CNTN5: variants seen among roughly 807,000 people sequenced by gnomAD.
CNTN5 encodes contactin-5.
Under a neutral mutation model 129.1 loss-of-function variants are expected in CNTN5, and 77 were observed. The observed-to-expected ratio is 0.60, with a 90% CI of 0.50 to 0.72. The LOEUF is 0.72. Among genes scored for constraint, CNTN5 ranks in the 30% least tolerant of loss-of-function variants. The pLI, the probability that CNTN5 is intolerant of heterozygous loss-of-function variation, is 0.00. For synonymous variants in CNTN5, 509 were observed against 465.6 expected, an observed-to-expected ratio of 1.09 and a Z score of -1.20; for missense variants, 1,478 against 1,328.8, an observed-to-expected ratio of 1.11 and a Z score of -1.75.
At chr11:99,348,342 C>A (rs72983795) in intron 2 of CNTN5, among the ~76,000 whole-genome samples, 5,247 of 152,070 alleles carry the variant, frequency 0.035, 122 homozygotes, top group Middle Eastern at 0.072. Context: ...CCGTCCCCCC[C>A]AAAAAAATAC....
At chr11:99,061,825 C>T (rs1864891542) in intron 1 of CNTN5, among the ~76,000 whole-genome samples, 2 of 151,770 alleles carry the variant, frequency 1.3e-5, no homozygotes, top group Non-Finnish European at 2.9e-5. Flanking sequence ...GACCCTGTCT[C>T]AACAACAACA....
intron 3 of CNTN5, among the ~76,000 whole-genome samples, chr11:99,757,265 T>A (rs992168061): frequency 2.0e-5 from 3 of 152,024 alleles, no homozygotes; most frequent in Non-Finnish European, 4.4e-5. Context: ...TTTCTATATT[T>A]TCTCTCCTTA....
At chr11:99,614,834 G>A (rs1158647869) in intron 3 of CNTN5, among the ~76,000 whole-genome samples, 3 of 151,908 alleles carry the variant, frequency 2.0e-5, no homozygotes, top group Non-Finnish European at 4.4e-5. Flanking sequence ...GCAACACAAA[G>A]CACAACCTAT....
intron 9 of CNTN5, among the ~76,000 whole-genome samples, chr11:100,032,685 A>G (rs952668000): frequency 3.9e-5 from 6 of 152,156 alleles, no homozygotes; most frequent in African/African-American, 1.4e-4. Context: ...GTTTTTAAAC[A>G]CTCAATCTGT....
intron 17 of CNTN5, among the ~76,000 whole-genome samples, chr11:100,268,616 G>T (rs1950350760): frequency 6.6e-6 from 1 of 152,178 alleles, no homozygotes; most frequent in Non-Finnish European, 1.5e-5. Context: ...TGGTAACCTT[G>T]ACAATAGCAG....
rs371438971 is a variant in CNTN5 at position 99,242,278 on chromosome 11, G to T, written c.-209-83068G>T. 6.6e-5 allele frequency among the ~76,000 whole-genome samples: 10 copies of T among 152,230 alleles called. No individual in the cohort carries two copies. The East Asian group carries it at 1.5e-3, about 24-fold the overall frequency. ...TTAGTATTTCAATATTTGATTGGTA[G>T]AATAATAGGTCTGTGGGAGGTGTGT... is the stretch of plus-strand genomic sequence containing the variant. On this transcript the variant is annotated intron_variant, in intron 1 of 24. Transcript: ENST00000524871.
intron 1 of CNTN5, among the ~76,000 whole-genome samples, chr11:99,247,920 A>G (rs1044810313): frequency 6.6e-6 from 1 of 152,150 alleles, no homozygotes; most frequent in African/African-American, 2.4e-5. Flanking sequence ...CGCAATAAAC[A>G]TATGTGTGCA....
intron 2 of CNTN5, among the ~76,000 whole-genome samples, chr11:99,402,393 A>G (rs150619671): frequency 1.6e-4 from 24 of 152,260 alleles, no homozygotes; most frequent in African/African-American, 5.8e-4. Flanking sequence ...CATATGTTGA[A>G]CTATGTTTGC....
chr11:99,579,504 A>G (rs1361779554), intron 3 of CNTN5, among the ~76,000 whole-genome samples: 1 of 149,484 alleles, frequency 6.7e-6, no homozygotes, highest in Non-Finnish European at 1.5e-5. Context: ...CTTTTATTTC[A>G]TTGAGCAGTG....
chr11:100,272,304 C>T (rs1950421292), intron 18 of CNTN5, among the ~76,000 whole-genome samples: 1 of 152,114 alleles, frequency 6.6e-6, no homozygotes, highest in Admixed American at 6.5e-5. Context: ...CACACCAGTA[C>T]ATAGGTCAGA....
chr11:99,102,859 C>T (rs1262512425), intron 1 of CNTN5, among the ~76,000 whole-genome samples: 1 of 152,116 alleles, frequency 6.6e-6, no homozygotes, highest in East Asian at 1.9e-4. Context: ...GCACCCCACT[C>T]TACTGGTACC....
chr11:100,236,963 G>T (rs948088653), intron 16 of CNTN5, among the ~76,000 whole-genome samples: 1 of 152,142 alleles, frequency 6.6e-6, no homozygotes, highest in Non-Finnish European at 1.5e-5. Flanking sequence ...GCCAAGGCGG[G>T]TGGATCACGA....
At chr11:99,498,792 G>A (rs1478197136) in intron 2 of CNTN5, among the ~76,000 whole-genome samples, 2 of 152,140 alleles carry the variant, frequency 1.3e-5, no homozygotes, top group South Asian at 2.1e-4. Flanking sequence ...CCTTGAAGGA[G>A]GTAAAAGAAA....
At chr11:100,336,884 A>T (rs1952048143) in intron 21 of CNTN5, 1 of 538,972 alleles carries the variant, frequency 1.9e-6, no homozygotes, top group African/African-American at 1.9e-5. Context: ...TGAAAGCTAT[A>T]GCAGCAACTC....
chr11:99,711,701 A>T (rs187310464), intron 3 of CNTN5, among the ~76,000 whole-genome samples: 1 of 152,022 alleles, frequency 6.6e-6, no homozygotes, highest in East Asian at 2.0e-4. Context: ...CTCACTGTTA[A>T]ACTCCCACTT....
intron 3 of CNTN5, among the ~76,000 whole-genome samples, chr11:99,795,338 A>G (rs761336313): frequency 3.9e-5 from 6 of 152,086 alleles, no homozygotes; most frequent in African/African-American, 1.2e-4. Context: ...TGTATTCCTT[A>G]GAGTTTTTGG....
At chr11:100,043,806 C>T (rs1282709312) in intron 9 of CNTN5, among the ~76,000 whole-genome samples, 1 of 151,984 alleles carries the variant, frequency 6.6e-6, no homozygotes, top group African/African-American at 2.4e-5. Flanking sequence ...AATACTGTCT[C>T]CTTCTGTATT....
At position 99,566,450 on chromosome 11, in the gene CNTN5, A is replaced by G. The variant is rs533834220; in HGVS notation, c.55+10181A>G. Among the ~76,000 whole-genome samples the G allele has an allele frequency of 5.4e-4, 82 of 152,350 alleles. 1 individual carries two copies. The highest frequency in any genetic ancestry group is 4.4e-5 in the Non-Finnish European group (3 of 68,038). ...GAACTAACACACATGCACAAGGGTT[A>G]GCAGGATCACTTTCATCTCTTTTCC... On this transcript the variant is annotated intron_variant, in intron 3 of 24. Coordinates refer to ENST00000524871, the MANE Select transcript of CNTN5 (RefSeq NM_014361.4).
intron 8 of CNTN5, among the ~76,000 whole-genome samples, chr11:99,982,804 T>A (rs146981475): frequency 1.3e-5 from 2 of 152,080 alleles, no homozygotes; most frequent in East Asian, 3.9e-4. Context: ...CCACGCCCAG[T>A]TAATTTTTTT....
Sources: allele counts gnomAD v4.1 joint callset (sites outside exome capture counted in the v4.1 genomes callset), GRCh38; gene constraint gnomAD v4.1.1; transcripts MANE v1.5; gene names NCBI Gene and HGNC (gene_info 2026-07-23, HGNC 2026-07-21).